COL15A1: variants seen among roughly 807,000 people sequenced by gnomAD.
COL15A1 encodes collagen type XV alpha 1 chain, also known as collagen alpha-1(XV) chain.
Under a neutral mutation model 165.9 loss-of-function variants are expected in COL15A1, and 111 were observed. The ratio of observed to expected loss-of-function variants is 0.67; its 90% CI spans 0.57 to 0.78. The LOEUF (loss-of-function observed/expected upper bound fraction) is 0.78, where lower values mean the gene tolerates loss of function less well. Among genes scored for constraint, COL15A1 ranks in the 30% least tolerant of loss-of-function variants. The pLI is 0.00. For synonymous variants in COL15A1, 659 were observed against 674.8 expected (o/e 0.98, Z 0.36); for missense variants, 1,745 against 1,789.7 (o/e 0.98, Z 0.45).
At chr9:99,059,298 G>A (rs2117950066) in intron 35 of COL15A1, among the ~76,000 whole-genome samples, 1 of 152,308 alleles carries the variant, frequency 6.6e-6, no homozygotes, top group Middle Eastern at 3.4e-3. Context: ...GCAGCCCAGG[G>A]AAGAAGAAAT....
At chr9:99,008,266 C>G (rs948782641) in intron 9 of COL15A1, among the ~76,000 whole-genome samples, 2 of 152,152 alleles carry the variant, frequency 1.3e-5, no homozygotes, top group South Asian at 4.1e-4. Context: ...ACTTGGGGCT[C>G]CTGGACCTGT....
At chr9:99,068,936 G>A (rs767900904) in intron 41 of COL15A1, among the ~76,000 whole-genome samples, 18 of 152,206 alleles carry the variant, frequency 1.2e-4, no homozygotes, top group Non-Finnish European at 2.5e-4. Flanking sequence ...CCACATCTAT[G>A]TCATAGAATT....
At chr9:98,990,838 G>A (rs946840119) in intron 5 of COL15A1, among the ~76,000 whole-genome samples, 1 of 152,194 alleles carries the variant, frequency 6.6e-6, no homozygotes, top group African/African-American at 2.4e-5. Flanking sequence ...TGGTCTCACC[G>A]ACTTCAAGAA....
At chr9:99,052,869 C>T (rs568814962) in intron 31 of COL15A1, among the ~76,000 whole-genome samples, 2 of 152,164 alleles carry the variant, frequency 1.3e-5, no homozygotes, top group South Asian at 2.1e-4. Context: ...AGGGAAGGGC[C>T]GTGGGAGCTC....
At chr9:98,975,175 T>C (rs78783229) in intron 2 of COL15A1, among the ~76,000 whole-genome samples, 1,962 of 152,346 alleles carry the variant, frequency 0.013, 44 homozygotes, top group African/African-American at 0.044. Context: ...CTCCTTCACC[T>C]GGAGCGAGGA....
chr9:99,061,444 AT>A (rs1184143258), intron 36 of COL15A1, among the ~76,000 whole-genome samples: 1 of 152,198 alleles, frequency 6.6e-6, no homozygotes, highest in African/African-American at 2.4e-5. Flanking sequence ...ACAGACCTCC[AT>A]TTTCTATCAT....
chr9:99,055,832 A>G (rs930310685), intron 34 of COL15A1, among the ~76,000 whole-genome samples: 1 of 152,200 alleles, frequency 6.6e-6, no homozygotes, highest in Non-Finnish European at 1.5e-5. Context: ...TGTGCCCCCA[A>G]CAAGAATATG....
intron 5 of COL15A1, among the ~76,000 whole-genome samples, chr9:98,994,989 A>G (rs957101135): frequency 6.6e-6 from 1 of 151,928 alleles, no homozygotes; most frequent in Admixed American, 6.6e-5. Flanking sequence ...TTGTCTTCCT[A>G]TGTTTCCTGA....
chr9:99,056,787 A>G (rs550088917), intron 35 of COL15A1, among the ~76,000 whole-genome samples: 3 of 152,348 alleles, frequency 2.0e-5, no homozygotes, highest in African/African-American at 4.8e-5. Flanking sequence ...TGGACATTTC[A>G]TATAAATGGA....
intron 21 of COL15A1, among the ~76,000 whole-genome samples, chr9:99,037,960 G>A (rs557065543): frequency 6.6e-6 from 1 of 152,174 alleles, no homozygotes; most frequent in South Asian, 2.1e-4. Context: ...AGAGAAGGCT[G>A]GAATGTGGGC....
intron 5 of COL15A1, among the ~76,000 whole-genome samples, chr9:98,995,904 A>G (rs1466435735): frequency 1.3e-5 from 2 of 152,180 alleles, no homozygotes; most frequent in Non-Finnish European, 2.9e-5. Flanking sequence ...ACAGAGGAGG[A>G]AGCTGAGGTT....
intron 19 of COL15A1, 76 bp from the exon 20 acceptor site, chr9:99,036,094 G>C: frequency 8.3e-7 from 1 of 1,200,156 alleles, no homozygotes; most frequent in Non-Finnish European, 1.2e-6. Flanking sequence ...AGCTTAGGGG[G>C]AGATGGTGAG....
intron 5 of COL15A1, among the ~76,000 whole-genome samples, chr9:98,993,678 G>A (rs539791732): frequency 5.3e-5 from 8 of 152,288 alleles, no homozygotes; most frequent in African/African-American, 1.7e-4. Context: ...TCCAGCTCAG[G>A]GTCCAGAGTG....
chr9:99,070,499 T>C lies in COL15A1; in HGVS notation c.*613T>C, dbSNP rs555441377. On this transcript the variant is annotated 3_prime_UTR_variant, in exon 42 of 42. Transcript: ENST00000375001. The stretch of plus-strand genomic sequence containing the variant: ...TTTACACAATCATATTTTAGTATGG[T>C]GTCTGTTTATGTAACTCTGACTTGC... 1 of 291,104 alleles carries C rather than the reference T, an allele frequency of 3.4e-6. No individual in the cohort carries two copies. Among genetic ancestry groups the C allele is most frequent in the Admixed American group, 5.3e-5 (1 of 18,966 alleles). The allele number at this position is 291,104 out of a possible 1,614,324, so 18.0% of individuals were successfully genotyped here.
At chr9:98,963,854 C>T (rs1190295793) in intron 2 of COL15A1, among the ~76,000 whole-genome samples, 4 of 152,200 alleles carry the variant, frequency 2.6e-5, no homozygotes, top group Admixed American at 2.6e-4. Flanking sequence ...CATGCCCATC[C>T]CGTTCACCCC....
rs749120009 is a variant in COL15A1 at position 98,989,236 on chromosome 9, C to T, written c.782C>T (p.Ala261Val). The part of the protein sequence containing the change: ...EADGVAEILE[A>V]VTYTQASPKE... ...GACGGAGTAGCTGAGATCTTAGAAG[C>T]CGTCACCTACACTCAAGCCTCGGTG... The change falls in exon 5 of 42, where the codon GCC becomes GTC. Residue 261 changes from alanine to valine, a missense_variant. Transcript: ENST00000375001. 1.2e-6 allele frequency: 2 copies of T among 1,613,944 alleles called. No individual in the cohort carries two copies. Among genetic ancestry groups the T allele is most frequent in the Non-Finnish European group, 1.7e-6 (2 of 1,179,822 alleles).
In COL15A1 at chr9:98,943,924, C is replaced by G. The variant is rs1406123478; in HGVS notation, c.-138C>G. The stretch of plus-strand genomic sequence containing the variant: ...GAGCCGGGATTCTGCCCGCCGCCGC[C>G]GCTGCCGAGCGCCGCCTTTGTTCCC... On this transcript the variant is annotated 5_prime_UTR_variant, in exon 1 of 42. Coordinates refer to ENST00000375001, the MANE Select transcript of COL15A1 (RefSeq NM_001855.5). The G allele has an allele frequency of 1.0e-5, 12 of 1,158,804 alleles. No individual in the cohort carries two copies. The highest frequency in any genetic ancestry group is 1.4e-5 in the Non-Finnish European group (12 of 870,974). The allele number at this position is 1,158,804 out of a possible 1,614,324, so 71.8% of individuals were successfully genotyped here. A position where few individuals can be genotyped will look rare whatever the true frequency, so the allele number is the denominator to read the frequency against.
chr9:98,973,909 A>T (rs1838101245), intron 2 of COL15A1, among the ~76,000 whole-genome samples: 1 of 152,240 alleles, frequency 6.6e-6, no homozygotes, highest in South Asian at 2.1e-4. Flanking sequence ...TTTGGAAAAT[A>T]TTTAGTCCAA....
intron 2 of COL15A1, among the ~76,000 whole-genome samples, chr9:98,948,656 G>C (rs1423123900): frequency 1.3e-5 from 2 of 148,370 alleles, no homozygotes; most frequent in African/African-American, 5.0e-5. Context: ...ATGGCCTCTT[G>C]TACCTCCAAT....
Sources: allele counts gnomAD v4.1 joint callset (sites outside exome capture counted in the v4.1 genomes callset), GRCh38; gene constraint gnomAD v4.1.1; transcripts MANE v1.5; gene names NCBI Gene and HGNC (gene_info 2026-07-23, HGNC 2026-07-21).